FTCD: variants seen among roughly 807,000 people sequenced by gnomAD.
FTCD encodes formimidoyltransferase-cyclodeaminase.
Under a neutral mutation model 62.9 loss-of-function variants are expected in FTCD, and 76 were observed. That is an observed-to-expected ratio of 1.21 (90% CI 1.00 to 1.46). The LOEUF (loss-of-function observed/expected upper bound fraction) is 1.46. FTCD is among the 40% of genes most tolerant of loss of function. The pLI, the probability that FTCD is intolerant of heterozygous loss-of-function variation, is 0.00. For synonymous variants in FTCD, 397 were observed against 336.9 expected (o/e 1.18, Z -1.95); for missense variants, 845 against 751.3 (o/e 1.12, Z -1.46).
In FTCD at chr21:46,145,797, TG is replaced by T; in HGVS notation, c.1098+20del. 2 of 48,852 alleles carry T rather than the reference TG, an allele frequency of 4.1e-5. No homozygotes were observed. The highest frequency in any genetic ancestry group is 5.4e-5 in the Non-Finnish European group (2 of 37,240). The allele number at this position is 48,852 out of a possible 1,614,324, so 3.0% of individuals were successfully genotyped here. A position where few individuals can be genotyped will look rare whatever the true frequency, so the allele number is the denominator to read the frequency against. ...CTCCCCCCAACAACTGCGCCTCCCC[TG>T]CCCCTCCCCCCGCGCTCACCATGGC... On this transcript the variant is annotated intron_variant, in intron 9 of 13. Transcript: ENST00000397746.
chr21:46,142,672 G>T (rs371863114), intron 10 of FTCD: 7 of 150,410 alleles, frequency 4.7e-5, no homozygotes, highest in East Asian at 1.9e-4. Context: ...AAAGAACAAA[G>T]CCCCCACAGC....
chr21:46,150,833 C>T (rs567625206), intron 5 of FTCD, among the ~76,000 whole-genome samples: 1 of 152,370 alleles, frequency 6.6e-6, no homozygotes, highest in South Asian at 2.1e-4. Flanking sequence ...AGGGGTGGGG[C>T]CCCAGGCACC....
At position 46,145,433 on chromosome 21, in the gene FTCD, G is replaced by A. The variant is rs753189744; in HGVS notation, c.1244C>T (p.Ala415Val). 43 of 1,554,530 alleles carry A rather than the reference G, an allele frequency of 2.8e-5. No homozygotes were observed. Among genetic ancestry groups the A allele is most frequent in the South Asian group, 1.1e-4 (9 of 84,448 alleles). ...GCCACTCACCAGGTAGGCGGTGAAGGCCTCGGCGTCGGCATCCACCAGCGT... is the reference window on the plus strand; with the variant it reads ...GCCACTCACCAGGTAGGCGGTGAAGACCTCGGCGTCGGCATCCACCAGCGT... Reference protein sequence around the residue: ...LTTLVDADAEAFTAYLEAMRL... With the variant: ...LTTLVDADAEVFTAYLEAMRL... The change falls in exon 10 of 14, where the codon GCC (alanine) becomes GTC (valine). Residue 415 changes from alanine (A) to valine (V), a missense_variant. Transcript: ENST00000397746.
intron 1 of FTCD, 74 bp from the exon 2 acceptor site, chr21:46,154,406 C>A: frequency 6.7e-7 from 1 of 1,496,310 alleles, no homozygotes; most frequent in Non-Finnish European, 9.0e-7. Flanking sequence ...GAGGTGGCTG[C>A]ACCCCGAGAC....
At chr21:46,147,363 G>A (rs190549883) in intron 7 of FTCD, among the ~76,000 whole-genome samples, 19 of 152,076 alleles carry the variant, frequency 1.2e-4, no homozygotes, top group Admixed American at 5.9e-4. Flanking sequence ...ACCCGACACC[G>A]AATTCACTCT....
At chr21:46,151,527 G>A (rs754979321) in intron 5 of FTCD, 31 bp downstream of exon 5, 2 of 1,589,348 alleles carry the variant, frequency 1.3e-6, no homozygotes, top group Non-Finnish European at 1.7e-6. Flanking sequence ...GGGGCTGGGT[G>A]GGGCTCCATG....
Position 46,145,399 on chromosome 21 carries a change from G to A in FTCD, c.1260+18C>T. ...CTGTTGGTGGGGCCCGGGGAGCCCT[G>A]CTGTGGCCGCCACTCACCAGGTAGG... On this transcript the variant is annotated intron_variant, in intron 10 of 13. Coordinates refer to ENST00000397746, the MANE Select transcript of FTCD (RefSeq NM_206965.2). 1 of 1,532,772 alleles carries A rather than the reference G, an allele frequency of 6.5e-7. No individual in the cohort carries two copies. 94.9% of individuals were successfully genotyped at this position (1,532,772 alleles called of 1,614,324 possible). A position where few individuals can be genotyped will look rare whatever the true frequency, so the allele number is the denominator to read the frequency against.
chr21:46,147,997 G>A (rs1386124641), intron 7 of FTCD, among the ~76,000 whole-genome samples: 2 of 151,918 alleles, frequency 1.3e-5, no homozygotes, highest in East Asian at 1.9e-4. Context: ...AGCAGACGGG[G>A]CCTCACACAT....
At chr21:46,141,028 TTTCCTTCCTGTCCCTTG>T (rs1289100666) in intron 10 of FTCD, among the ~76,000 whole-genome samples, 2 of 152,242 alleles carry the variant, frequency 1.3e-5, no homozygotes, top group Non-Finnish European at 2.9e-5. Context: ...ACACGTCTTG[TTTCCTTCCTGTCCCTTG>T]ATTACATTTT....
intron 7 of FTCD, chr21:46,146,531 C>A (rs2123536303): frequency 5.0e-6 from 3 of 603,460 alleles, no homozygotes; most frequent in South Asian, 3.9e-5. Flanking sequence ...CAGCAGGCAC[C>A]CCGTACAGGC....
chr21:46,138,810 G>A (rs2078930028), intron 11 of FTCD, 70 bp downstream of exon 11: 2 of 1,463,436 alleles, frequency 1.4e-6, no homozygotes, highest in Non-Finnish European at 1.9e-6. Context: ...CAGCACCCAG[G>A]TACTCGGGAT....
At chr21:46,138,166 C>T (rs978479124) in intron 12 of FTCD, among the ~76,000 whole-genome samples, 8 of 152,172 alleles carry the variant, frequency 5.3e-5, no homozygotes, top group African/African-American at 1.9e-4. Flanking sequence ...GCTGGGACCA[C>T]AGGCGAGAAC....
In FTCD at chr21:46,151,718, G is replaced by A. The variant is rs200652518; in HGVS notation, c.476C>T (p.Ala159Val). 189 of 1,612,762 alleles carry A rather than the reference G, an allele frequency of 1.2e-4. No homozygotes were observed. Among genetic ancestry groups the A allele is most frequent in the Admixed American group, 2.7e-4 (16 of 60,006 alleles). Residue 159 changes from alanine to valine, a missense_variant, in exon 5 of 14, where the codon GCG (alanine) becomes GTG (valine). Ala to Val is a moderately conservative substitution (Grantham distance 64). Coordinates refer to ENST00000397746, the MANE Select transcript of FTCD (RefSeq NM_206965.2). ...LPKKLQQADWAPDFGPSSFVP... is the reference protein window; with the variant it reads ...LPKKLQQADWVPDFGPSSFVP... The stretch of plus-strand genomic sequence containing the variant: ...AAAGGAGCTGGGACCAAAGTCGGGC[G>A]CCCAGTCGGCCTGCTGGAGCTGTGA...
At chr21:46,138,393 T>G (rs2123480283) in intron 12 of FTCD, 115 bp downstream of exon 12, 3 of 993,640 alleles carry the variant, frequency 3.0e-6, no homozygotes, top group East Asian at 5.3e-5. Flanking sequence ...GCCCGTGAAG[T>G]GAGGTCTCCC....
Position 46,151,989 on chromosome 21 carries a change from G to C in FTCD, c.368-9C>G. ...CTCGCCGTACAGGTAAACTGCAGGAGAGCCCGGCGGTCAGGCCTGGACCGG... is the reference window on the plus strand; with the variant it reads ...CTCGCCGTACAGGTAAACTGCAGGACAGCCCGGCGGTCAGGCCTGGACCGG... On this transcript the variant is annotated splice_polypyrimidine_tract_variant and intron_variant, in intron 3 of 13. Transcript: ENST00000397746. The C allele has an allele frequency of 4.5e-6, 7 of 1,554,402 alleles. No homozygotes were observed. The highest frequency in any genetic ancestry group is 6.1e-6 in the Non-Finnish European group (7 of 1,148,490).
chr21:46,142,198 A>G (rs982216302), intron 10 of FTCD: 1 of 152,340 alleles, frequency 6.6e-6, no homozygotes, highest in South Asian at 2.1e-4. Context: ...TGATGTTCAG[A>G]TACGTCCGGA....
Position 46,138,636 on chromosome 21 carries a change from CCGCCGTG to C in FTCD, c.1308_1314del (p.Thr437ProfsTer6). 2.5e-6 allele frequency: 4 copies of C among 1,594,504 alleles called. No homozygotes were observed. Among genetic ancestry groups the C allele is most frequent in the Non-Finnish European group, 3.4e-6 (4 of 1,177,468 alleles). ...GCCCGCCTCAGACCCTCCTGTAGGG[CCGCCGTG>C]CGCCTGAAAGGAGCAAGAGGAGAGC... is the stretch of plus-strand genomic sequence containing the variant. On this transcript the variant is annotated frameshift_variant, in exon 12 of 14. Transcript: ENST00000397746. LOFTEE classifies it high-confidence loss of function.
intron 10 of FTCD, among the ~76,000 whole-genome samples, chr21:46,143,513 T>G (rs937598585): frequency 6.6e-6 from 1 of 152,222 alleles, no homozygotes; most frequent in Non-Finnish European, 1.5e-5. Flanking sequence ...TATATAATTA[T>G]TAATCATTAG....
intron 10 of FTCD, among the ~76,000 whole-genome samples, chr21:46,141,356 A>T (rs75041638): frequency 0.012 from 1,859 of 151,226 alleles, 42 homozygotes; most frequent in African/African-American, 0.043. Flanking sequence ...TGTGTGGTCT[A>T]GGCTGGTTTC....
Sources: allele counts gnomAD v4.1 joint callset (sites outside exome capture counted in the v4.1 genomes callset), GRCh38; gene constraint gnomAD v4.1.1; transcripts MANE v1.5; gene names NCBI Gene and HGNC (gene_info 2026-07-23, HGNC 2026-07-21).